ALCAM: variants seen among roughly 807,000 people sequenced by gnomAD.
ALCAM encodes the protein CD166 antigen.
A neutral mutation model predicts 70.9 loss-of-function variants in ALCAM; 30 were observed. That is an observed-to-expected ratio of 0.42 (90% CI 0.32 to 0.57). The LOEUF (loss-of-function observed/expected upper bound fraction) is 0.57, where lower values mean the gene tolerates loss of function less well. ALCAM is among the 20% of genes least tolerant of loss of function. The pLI is 0.11. For synonymous variants in ALCAM, 249 were observed against 242.5 expected (o/e 1.03, Z -0.25); for missense variants, 591 against 695.1 (o/e 0.85, Z 1.68).
chr3:105,515,789 C>T (rs1008330786), intron 1 of ALCAM, among the ~76,000 whole-genome samples: 4 of 152,000 alleles, frequency 2.6e-5, no homozygotes, highest in African/African-American at 9.7e-5. Flanking sequence ...TTGTACATAT[C>T]CTAATTCATT....
At chr3:105,537,589 A>G (rs1436404786) in intron 6 of ALCAM, among the ~76,000 whole-genome samples, 1 of 152,028 alleles carries the variant, frequency 6.6e-6, no homozygotes, top group African/African-American at 2.4e-5. Context: ...GTAGAGTAAT[A>G]CTTACATGCC....
chr3:105,545,471 G>C, intron 9 of ALCAM, 136 bp downstream of exon 9: 1 of 580,478 alleles, frequency 1.7e-6, no homozygotes. Context: ...CTCTGTTTCT[G>C]ATAAGAGAAA....
intron 8 of ALCAM, 121 bp downstream of exon 8, chr3:105,541,886 C>A: frequency 8.3e-7 from 1 of 1,199,152 alleles, no homozygotes; most frequent in Non-Finnish European, 1.2e-6. Context: ...GCAATAGATG[C>A]AGTAGAGAGA....
intron 1 of ALCAM, among the ~76,000 whole-genome samples, chr3:105,458,141 T>C (rs1474756100): frequency 6.6e-6 from 1 of 151,114 alleles, no homozygotes; most frequent in Non-Finnish European, 1.5e-5. Context: ...CACCTGCAAC[T>C]AGGGGCCTCA....
At chr3:105,443,641 TA>T (rs1937230046) in intron 1 of ALCAM, among the ~76,000 whole-genome samples, 1 of 152,262 alleles carries the variant, frequency 6.6e-6, no homozygotes, top group South Asian at 2.1e-4. Context: ...CATATACATG[TA>T]GGCACATCTT....
In ALCAM at chr3:105,574,503, A is replaced by G. The variant is rs1464825363; in HGVS notation, c.*52A>G. 6.6e-6 allele frequency: 1 copy of G among 152,510 alleles called. No homozygotes were observed. Among genetic ancestry groups the G allele is most frequent in the African/African-American group, 2.4e-5 (1 of 41,432 alleles). 9.4% of individuals were successfully genotyped at this position (152,510 alleles called of 1,614,324 possible). A position where few individuals can be genotyped will look rare whatever the true frequency, so the allele number is the denominator to read the frequency against. The stretch of plus-strand genomic sequence containing the variant: ...GATAAAAATCATATAGACCAATTGA[A>G]GCATGAACGTGGATTGTATTTAAGA... On this transcript the variant is annotated 3_prime_UTR_variant, in exon 16 of 16. Transcript: ENST00000306107.
At chr3:105,436,250 C>A (rs997679342) in intron 1 of ALCAM, among the ~76,000 whole-genome samples, 2 of 152,288 alleles carry the variant, frequency 1.3e-5, no homozygotes, top group African/African-American at 4.8e-5. Context: ...GTCTTGACTT[C>A]ATTTGGACAA....
intron 14 of ALCAM, among the ~76,000 whole-genome samples, chr3:105,563,979 GC>G (rs1463256021): frequency 6.6e-6 from 1 of 151,912 alleles, no homozygotes; most frequent in Non-Finnish European, 1.5e-5. Flanking sequence ...GAGCCACCGC[GC>G]CCGGCCCATT....
chr3:105,524,628 G>A (rs1939649293), intron 3 of ALCAM, 120 bp downstream of exon 3: 37 of 1,440,666 alleles, frequency 2.6e-5, no homozygotes, highest in Non-Finnish European at 3.2e-5. Context: ...TATATAAGGG[G>A]ACTTAAAGAG....
chr3:105,435,621 C>T (rs1302176363), intron 1 of ALCAM, among the ~76,000 whole-genome samples: 1 of 152,140 alleles, frequency 6.6e-6, no homozygotes, highest in Non-Finnish European at 1.5e-5. Flanking sequence ...TATTGGGTCA[C>T]ATAAAACTTA....
intron 1 of ALCAM, among the ~76,000 whole-genome samples, chr3:105,496,975 C>T (rs1938761352): frequency 6.6e-6 from 1 of 152,016 alleles, no homozygotes. Flanking sequence ...TCCATCTCTT[C>T]TTTCACCCTA....
intron 1 of ALCAM, among the ~76,000 whole-genome samples, chr3:105,451,364 A>G (rs1370851264): frequency 2.0e-5 from 3 of 152,094 alleles, no homozygotes; most frequent in Non-Finnish European, 4.4e-5. Flanking sequence ...GAAAAAAAGA[A>G]AAGAAAGCAA....
At chr3:105,534,083 G>T (rs1018828974) in intron 5 of ALCAM, among the ~76,000 whole-genome samples, 16 of 152,042 alleles carry the variant, frequency 1.1e-4, no homozygotes, top group Non-Finnish European at 1.8e-4. Context: ...CATATGTGCA[G>T]TTCACAGCAG....
chr3:105,371,840 G>A (rs1935241295), intron 1 of ALCAM, among the ~76,000 whole-genome samples: 1 of 152,100 alleles, frequency 6.6e-6, no homozygotes, highest in African/African-American at 2.4e-5. Flanking sequence ...AGAAGAATAT[G>A]TCTCTGTCTC....
rs538298035 is a variant in ALCAM at position 105,421,406 on chromosome 3, A to G, written c.73+53925A>G. 8.6e-5 allele frequency among the ~76,000 whole-genome samples: 13 copies of G among 151,718 alleles called. No homozygotes were observed. The East Asian group carries it at 9.7e-4, about 11-fold the overall frequency. On this transcript the variant is annotated intron_variant, in intron 1 of 15. Transcript: ENST00000306107. ...GTAACACTGATAATACCAAATTTCAATGACCACATATTCAATTCATAATAA... is the reference window on the plus strand; with the variant it reads ...GTAACACTGATAATACCAAATTTCAGTGACCACATATTCAATTCATAATAA...
chr3:105,527,741 A>G (rs573218605), intron 3 of ALCAM, among the ~76,000 whole-genome samples: 1 of 152,218 alleles, frequency 6.6e-6, no homozygotes, highest in South Asian at 2.1e-4. Context: ...CATATGGACC[A>G]GGTCTTATGA....
chr3:105,493,423 G>A (rs1445624620), intron 1 of ALCAM, among the ~76,000 whole-genome samples: 1 of 152,128 alleles, frequency 6.6e-6, no homozygotes, highest in Non-Finnish European at 1.5e-5. Flanking sequence ...CCTGAAATAT[G>A]TTAATTTACA....
chr3:105,449,610 G>T (rs1937378350), intron 1 of ALCAM, among the ~76,000 whole-genome samples: 1 of 152,022 alleles, frequency 6.6e-6, no homozygotes, highest in Non-Finnish European at 1.5e-5. Flanking sequence ...TTAATCTGTT[G>T]CACTACCACC....
At chr3:105,423,553 A>G (rs1457319448) in intron 1 of ALCAM, among the ~76,000 whole-genome samples, 2 of 150,636 alleles carry the variant, frequency 1.3e-5, no homozygotes, top group Non-Finnish European at 3.0e-5. Flanking sequence ...ATTCTGTTCA[A>G]TGTGTTTCTG....
Sources: gnomAD v4.1 joint callset for allele counts (sites outside exome capture counted in the v4.1 genomes callset) on GRCh38, gnomAD v4.1.1 for gene constraint, MANE v1.5 for transcripts, NCBI Gene and HGNC (gene_info 2026-07-23, HGNC 2026-07-21) for gene names.